Variants in VSTM4 observed in about 807,000 individuals in gnomAD.
VSTM4 encodes the protein V-set and transmembrane domain-containing protein 4.
VSTM4 carries 20 observed loss-of-function variants against 36.4 expected under a neutral mutation model. The observed-to-expected ratio is 0.55, with a 90% confidence interval of 0.39 to 0.80. VSTM4 has a LOEUF of 0.80. Among genes scored for constraint, VSTM4 ranks in the 30% least tolerant of loss-of-function variants. The pLI, the probability that VSTM4 is intolerant of heterozygous loss-of-function variation, is 0.00. For synonymous variants in VSTM4, 182 were observed against 173.9 expected (o/e 1.05, Z -0.37); for missense variants, 392 against 404.5 (o/e 0.97, Z 0.26).
rs553667401 is a variant in VSTM4, at chr10:49,043,064, A to G, written c.837+3919T>C. Among the ~76,000 whole-genome samples the G allele has an allele frequency of 3.3e-5, 5 of 152,214 alleles. No individual in the cohort carries two copies. The South Asian group carries it at 1.0e-3, about 32-fold the overall frequency. ...GTGTGGCTGAAGGGAAATGAGAGAG[A>G]GGGATGGTCATAAAAATCATGTCAA... On this transcript the variant is annotated intron_variant, in intron 7 of 7. Transcript: ENST00000332853.
chr10:49,082,608 G>A (rs1844300138), intron 3 of VSTM4, among the ~76,000 whole-genome samples: 1 of 152,160 alleles, frequency 6.6e-6, no homozygotes, highest in African/African-American at 2.4e-5. Context: ...CCAGGAGGCG[G>A]AGGTTGCAAT....
chr10:49,016,079 G>A lies in VSTM4; in HGVS notation c.*3571C>T, dbSNP rs1253161742. The A allele has an allele frequency of 6.6e-6, 1 of 152,158 alleles. No homozygotes were observed. Among genetic ancestry groups the A allele is most frequent in the Admixed American group, 6.5e-5 (1 of 15,276 alleles). The allele number at this position is 152,158 out of a possible 1,614,324, so 9.4% of individuals were successfully genotyped here. A position where few individuals can be genotyped will look rare whatever the true frequency, so the allele number is the denominator to read the frequency against. On this transcript the variant is annotated 3_prime_UTR_variant, in exon 8 of 8. Coordinates refer to ENST00000332853, the MANE Select transcript of VSTM4 (RefSeq NM_001031746.5). ...TCAGGGGCTGCAATGCAGCCACTGG[G>A]TGTGACCTAATTGGGCACCCTGGGT...
chr10:49,063,269 G>A (rs1315971217), intron 5 of VSTM4, among the ~76,000 whole-genome samples: 1 of 152,048 alleles, frequency 6.6e-6, no homozygotes, highest in African/African-American at 2.4e-5. Flanking sequence ...GAATCTAGGA[G>A]GGTTGCAGTG....
rs149199394 is a variant in VSTM4, at chr10:49,104,726, G to A, written c.457+2868C>T. On this transcript the variant is annotated intron_variant, in intron 2 of 7. Coordinates refer to ENST00000332853, the MANE Select transcript of VSTM4 (RefSeq NM_001031746.5). ...AGGGTAGAACCACTTCTGGGTGAGAGGTCAGAGGGGAGTGGGCGAGAGAAG... is the reference window on the plus strand; with the variant it reads ...AGGGTAGAACCACTTCTGGGTGAGAAGTCAGAGGGGAGTGGGCGAGAGAAG... Among the ~76,000 whole-genome samples the A allele has an allele frequency of 1.1e-3, 165 of 152,306 alleles. 1 individual carries two copies. The highest frequency in any genetic ancestry group is 3.8e-3 in the African/African-American group (159 of 41,560).
chr10:49,080,283 C>A (rs530443025), intron 3 of VSTM4, among the ~76,000 whole-genome samples: 2 of 152,294 alleles, frequency 1.3e-5, no homozygotes, highest in South Asian at 4.1e-4. Context: ...AGGTGGCTGG[C>A]TCCCAGGGAG....
intron 2 of VSTM4, among the ~76,000 whole-genome samples, chr10:49,106,974 A>G (rs1484855481): frequency 1.3e-5 from 2 of 152,118 alleles, no homozygotes; most frequent in African/African-American, 4.8e-5. Flanking sequence ...CTGAAGACAA[A>G]ACCCCCATCT....
intron 5 of VSTM4, among the ~76,000 whole-genome samples, chr10:49,054,286 A>G (rs1843742475): frequency 6.6e-6 from 1 of 152,272 alleles, no homozygotes; most frequent in South Asian, 2.1e-4. Flanking sequence ...ATCTCCCTGA[A>G]GAGAAGTACC....
chr10:49,038,901 G>A (rs987754832), intron 7 of VSTM4, among the ~76,000 whole-genome samples: 1 of 152,120 alleles, frequency 6.6e-6, no homozygotes, highest in African/African-American at 2.4e-5. Context: ...GTGGAGGAGG[G>A]GGAGGCAGCC....
intron 6 of VSTM4, among the ~76,000 whole-genome samples, chr10:49,047,547 C>T (rs932230966): frequency 6.6e-6 from 1 of 152,224 alleles, no homozygotes; most frequent in Non-Finnish European, 1.5e-5. Flanking sequence ...GAAAGTCAGG[C>T]TCTACCACGT....
At chr10:49,114,757 A>G (rs1018905902) in intron 1 of VSTM4, among the ~76,000 whole-genome samples, 4 of 150,174 alleles carry the variant, frequency 2.7e-5, no homozygotes, top group Non-Finnish European at 5.9e-5. Context: ...AGGCAGCCAG[A>G]CAGAGTTCTG....
chr10:49,036,649 G>A (rs960438264), intron 7 of VSTM4, among the ~76,000 whole-genome samples: 3 of 152,190 alleles, frequency 2.0e-5, no homozygotes, highest in African/African-American at 7.2e-5. Context: ...GCTTTCTAAT[G>A]TGCTTCAAAG....
At chr10:49,105,239 G>C (rs1294932142) in intron 2 of VSTM4, among the ~76,000 whole-genome samples, 1 of 138,756 alleles carries the variant, frequency 7.2e-6, no homozygotes, top group African/African-American at 2.7e-5. Flanking sequence ...GAGAGAGACA[G>C]AGAGGGAAAG....
chr10:49,066,255 C>T (rs2131979857), intron 4 of VSTM4, among the ~76,000 whole-genome samples: 1 of 152,268 alleles, frequency 6.6e-6, no homozygotes, highest in South Asian at 2.1e-4. Context: ...GGAGACCTGT[C>T]CCAGATTGAA....
chr10:49,092,852 G>A (rs141438602), intron 2 of VSTM4, among the ~76,000 whole-genome samples: 23 of 152,260 alleles, frequency 1.5e-4, no homozygotes, highest in African/African-American at 4.1e-4. Context: ...AGCAGATTAT[G>A]CCAGCAGAAG....
intron 5 of VSTM4, among the ~76,000 whole-genome samples, chr10:49,048,858 G>T (rs1420742452): frequency 1.3e-5 from 2 of 152,186 alleles, no homozygotes; most frequent in Non-Finnish European, 2.9e-5. Context: ...CAAATTCCTT[G>T]GAGGGACCCA....
At position 49,019,339 on chromosome 10, in the gene VSTM4, G is replaced by A. The variant is rs371105858; in HGVS notation, c.*311C>T. On this transcript the variant is annotated 3_prime_UTR_variant, in exon 8 of 8. Transcript: ENST00000332853. ...CGATTTTAAAGAAAACCTGGGGAAA[G>A]AGGAGAAAAATGTGAAGGGGTTTGG... 4.1e-4 allele frequency: 92 copies of A among 222,188 alleles called. No homozygotes were observed. In the South Asian group the frequency reaches 0.014, roughly 34 times the overall value. 13.8% of individuals were successfully genotyped at this position (222,188 alleles called of 1,614,324 possible).
At chr10:49,045,053 T>C (rs1843586079) in intron 7 of VSTM4, among the ~76,000 whole-genome samples, 2 of 152,228 alleles carry the variant, frequency 1.3e-5, no homozygotes, top group African/African-American at 4.8e-5. Flanking sequence ...CTTTGTCTAC[T>C]TGTCTGCCCT....
intron 7 of VSTM4, among the ~76,000 whole-genome samples, chr10:49,039,156 A>T (rs1422278633): frequency 1.3e-5 from 2 of 152,254 alleles, no homozygotes; most frequent in South Asian, 4.1e-4. Context: ...GGAGGCCTCA[A>T]AAAGAAGGTG....
Position 49,115,489 on chromosome 10 carries a change from C to A in VSTM4, c.-4G>T. 1.0e-6 allele frequency: 1 copy of A among 1,002,498 alleles called. No homozygotes were observed. The highest frequency in any genetic ancestry group is 1.2e-6 in the Non-Finnish European group (1 of 842,696). 62.1% of individuals were successfully genotyped at this position (1,002,498 alleles called of 1,614,324 possible). Reference sequence around the variant, plus strand: ...CCGCCAGTGCCAGCAGCCGCATCTCCCCGCCGCCGCCCGGCGCTGTGACGC... The same window carrying A: ...CCGCCAGTGCCAGCAGCCGCATCTCACCGCCGCCGCCCGGCGCTGTGACGC... On this transcript the variant is annotated 5_prime_UTR_variant, in exon 1 of 8. Coordinates refer to ENST00000332853, the MANE Select transcript of VSTM4 (RefSeq NM_001031746.5).
Sources: allele counts gnomAD v4.1 joint callset (sites outside exome capture counted in the v4.1 genomes callset), GRCh38; gene constraint gnomAD v4.1.1; transcripts MANE v1.5; gene names NCBI Gene and HGNC (gene_info 2026-07-23, HGNC 2026-07-21).